The following GPM6A variants were observed in gnomAD, a reference collection of about 807,000 sequenced individuals.
The protein encoded by GPM6A is glycoprotein M6A.
A neutral mutation model predicts 32.1 loss-of-function variants in GPM6A; 7 were observed. That is an observed-to-expected ratio of 0.22 (90% CI 0.12 to 0.41). GPM6A has a LOEUF of 0.41. GPM6A is among the 10% of genes least tolerant of loss of function. The pLI is 1.00. For missense variants in GPM6A, 235 were observed against 347.2 expected (o/e 0.68, Z 2.57); for synonymous variants, 130 against 123.4 (o/e 1.05, Z -0.35).
At chr4:175,980,462 T>A (rs908727304) in intron 1 of GPM6A, among the ~76,000 whole-genome samples, 3 of 152,216 alleles carry the variant, frequency 2.0e-5, no homozygotes, top group African/African-American at 7.2e-5. Flanking sequence ...CCTAGAAGTA[T>A]GACTATTTAG....
intron 1 of GPM6A, among the ~76,000 whole-genome samples, chr4:175,909,733 T>G (rs959594): frequency 0.98 from 148,588 of 152,300 alleles, 72,591 homozygotes; most frequent in East Asian, 1. Flanking sequence ...TACAGTCCAT[T>G]GTGAATCACA....
At chr4:175,742,164 A>T (rs982246002) in intron 1 of GPM6A, among the ~76,000 whole-genome samples, 1 of 152,242 alleles carries the variant, frequency 6.6e-6, no homozygotes, top group South Asian at 2.1e-4. Context: ...TATTTCCCTA[A>T]GTTAATACCC....
At chr4:175,757,690 T>A (rs1732581518) in intron 1 of GPM6A, among the ~76,000 whole-genome samples, 1 of 152,068 alleles carries the variant, frequency 6.6e-6, no homozygotes, top group Non-Finnish European at 1.5e-5. Flanking sequence ...GACTTAATTT[T>A]AAAGTTCAAG....
At chr4:175,689,880 C>A (rs1336215193) in intron 2 of GPM6A, among the ~76,000 whole-genome samples, 1 of 152,146 alleles carries the variant, frequency 6.6e-6, no homozygotes, top group Non-Finnish European at 1.5e-5. Flanking sequence ...AGAAACCAGT[C>A]CCTCAACCAA....
chr4:175,933,978 G>A (rs2126319850), intron 1 of GPM6A, among the ~76,000 whole-genome samples: 1 of 152,272 alleles, frequency 6.6e-6, no homozygotes, highest in Non-Finnish European at 1.5e-5. Flanking sequence ...TTAAAACGTA[G>A]AATAACATGT....
At chr4:175,790,485 C>T (rs893355125) in intron 1 of GPM6A, 2 of 152,122 alleles carry the variant, frequency 1.3e-5, no homozygotes, top group Non-Finnish European at 2.9e-5. Context: ...TTCTTTTTAT[C>T]CTCTGCCTTA....
At chr4:175,817,723 G>A (rs1735152108) in intron 1 of GPM6A, among the ~76,000 whole-genome samples, 1 of 152,188 alleles carries the variant, frequency 6.6e-6, no homozygotes, top group South Asian at 2.1e-4. Context: ...AAGGCCTATG[G>A]AGGGGGAGAC....
At chr4:175,723,352 T>C (rs1159431415) in intron 1 of GPM6A, among the ~76,000 whole-genome samples, 2 of 152,174 alleles carry the variant, frequency 1.3e-5, no homozygotes, top group African/African-American at 2.4e-5. Flanking sequence ...GTGAACACCA[T>C]TGTGTGTTAG....
chr4:175,960,493 T>C (rs1561012595), intron 1 of GPM6A, among the ~76,000 whole-genome samples: 3 of 152,184 alleles, frequency 2.0e-5, no homozygotes, highest in African/African-American at 7.2e-5. Context: ...GTTACATAGA[T>C]AAACATGTGA....
intron 4 of GPM6A, chr4:175,641,394 T>C (rs1244112341): frequency 1.3e-5 from 2 of 152,684 alleles, no homozygotes; most frequent in East Asian, 1.9e-4. Context: ...GTCAAAAATA[T>C]GTATTTTTAG....
intron 1 of GPM6A, among the ~76,000 whole-genome samples, chr4:175,744,993 A>G (rs1257253826): frequency 6.6e-6 from 1 of 152,258 alleles, no homozygotes; most frequent in East Asian, 1.9e-4. Flanking sequence ...TGCTCAATTC[A>G]TCTTTTCATT....
At chr4:175,792,592 C>T (rs1428041712) in intron 1 of GPM6A, among the ~76,000 whole-genome samples, 1 of 152,000 alleles carries the variant, frequency 6.6e-6, no homozygotes, top group Non-Finnish European at 1.5e-5. Context: ...AATACATCCA[C>T]TGATAATTAT....
intron 1 of GPM6A, among the ~76,000 whole-genome samples, chr4:175,770,034 G>A (rs1283531608): frequency 6.6e-6 from 1 of 151,932 alleles, no homozygotes; most frequent in African/African-American, 2.4e-5. Context: ...CCAGTTTTTT[G>A]TTTTGTTTTG....
intron 1 of GPM6A, among the ~76,000 whole-genome samples, chr4:175,793,658 G>A (rs971813253): frequency 6.6e-6 from 1 of 152,114 alleles, no homozygotes; most frequent in Non-Finnish European, 1.5e-5. Context: ...TTACAAGTGT[G>A]AACCACTGTA....
chr4:175,986,676 T>A (rs1211077810), intron 1 of GPM6A, among the ~76,000 whole-genome samples: 1 of 152,224 alleles, frequency 6.6e-6, no homozygotes, highest in Non-Finnish European at 1.5e-5. Flanking sequence ...ATTTTTCATC[T>A]CCATTGCTGC....
At chr4:175,839,156 C>T in intron 1 of GPM6A, among the ~76,000 whole-genome samples, 1 of 152,094 alleles carries the variant, frequency 6.6e-6, no homozygotes, top group Non-Finnish European at 1.5e-5. Flanking sequence ...GGTATTGGTT[C>T]AAGACAGCCA....
intron 1 of GPM6A, among the ~76,000 whole-genome samples, chr4:175,734,118 G>C (rs1407375845): frequency 1.5e-5 from 2 of 137,302 alleles, no homozygotes; most frequent in Non-Finnish European, 3.1e-5. Flanking sequence ...CTGAAACCAG[G>C]TTGTTTTAAT....
At chr4:175,858,356 A>ACCCC (rs1208312865) in intron 1 of GPM6A, among the ~76,000 whole-genome samples, 1 of 152,026 alleles carries the variant, frequency 6.6e-6, no homozygotes, top group Non-Finnish European at 1.5e-5. Flanking sequence ...ACACAAAGAA[A>ACCCC]CCCCGTCTCT....
At chr4:175,827,937 A>T (rs544620028) in intron 1 of GPM6A, among the ~76,000 whole-genome samples, 1 of 152,168 alleles carries the variant, frequency 6.6e-6, no homozygotes, top group Non-Finnish European at 1.5e-5. Flanking sequence ...TCTCCCATAA[A>T]CTAGGAAAAG....
Sources: gnomAD v4.1 joint callset for allele counts (sites outside exome capture counted in the v4.1 genomes callset) on GRCh38, gnomAD v4.1.1 for gene constraint, MANE v1.5 for transcripts, NCBI Gene and HGNC (gene_info 2026-07-23, HGNC 2026-07-21) for gene names.